ASIC2: variants seen among roughly 807,000 people sequenced by gnomAD.
ASIC2 encodes the protein acid sensing ion channel subunit 2.
ASIC2 carries 25 observed loss-of-function variants against 57.3 expected under a neutral mutation model. That is an observed-to-expected ratio of 0.44 (90% CI 0.32 to 0.61). The LOEUF (loss-of-function observed/expected upper bound fraction) is 0.61. Among genes scored for constraint, ASIC2 ranks in the 20% least tolerant of loss-of-function variants. The pLI is 0.06. For synonymous variants in ASIC2, 319 were observed against 307.5 expected (o/e 1.04, Z -0.39); for missense variants, 641 against 738.1 (o/e 0.87, Z 1.52).
chr17:33,358,292 C>T (rs113881676), intron 1 of ASIC2, among the ~76,000 whole-genome samples: 2,164 of 152,276 alleles, frequency 0.014, 56 homozygotes, highest in African/African-American at 0.047. Flanking sequence ...ATATGGTCTG[C>T]GGAGTCTAAA....
intron 1 of ASIC2, among the ~76,000 whole-genome samples, chr17:33,698,779 G>T (rs753906624): frequency 1.3e-5 from 2 of 152,108 alleles, no homozygotes; most frequent in Non-Finnish European, 2.9e-5. Context: ...GTATGGTGAG[G>T]CTGAATGGGG....
intron 1 of ASIC2, among the ~76,000 whole-genome samples, chr17:33,599,017 G>T (rs750598880): frequency 2.0e-5 from 3 of 152,226 alleles, no homozygotes; most frequent in African/African-American, 2.4e-5. Context: ...GGCTGCGCCT[G>T]TATGCACACA....
intron 3 of ASIC2, among the ~76,000 whole-genome samples, chr17:33,057,801 A>C (rs2141935602): frequency 6.6e-6 from 1 of 152,350 alleles, no homozygotes; most frequent in East Asian, 1.9e-4. Flanking sequence ...AAGTCAGCCC[A>C]GTCACATAGA....
At chr17:33,375,624 G>T (rs1909248871) in intron 1 of ASIC2, among the ~76,000 whole-genome samples, 1 of 152,178 alleles carries the variant, frequency 6.6e-6, no homozygotes. Context: ...GGACTGCAAG[G>T]GAAGAAGCAG....
chr17:33,857,938 C>A (rs1220343873), intron 1 of ASIC2, among the ~76,000 whole-genome samples: 1 of 152,262 alleles, frequency 6.6e-6, no homozygotes, highest in African/African-American at 2.4e-5. Flanking sequence ...CGCCTGTTCA[C>A]AGTCAGCATC....
At chr17:33,788,906 G>T (rs1848701698) in intron 1 of ASIC2, among the ~76,000 whole-genome samples, 4 of 152,122 alleles carry the variant, frequency 2.6e-5, no homozygotes, top group Admixed American at 2.6e-4. Flanking sequence ...TGTTGGGGGG[G>T]TTGGGAATTG....
chr17:33,109,481 C>T (rs1232957434), intron 2 of ASIC2, among the ~76,000 whole-genome samples: 1 of 152,200 alleles, frequency 6.6e-6, no homozygotes, highest in East Asian at 1.9e-4. Context: ...ACTCCCCAGT[C>T]TCAAAGGAAA....
At chr17:33,562,404 T>C (rs530462663) in intron 1 of ASIC2, among the ~76,000 whole-genome samples, 2 of 152,290 alleles carry the variant, frequency 1.3e-5, no homozygotes, top group East Asian at 3.9e-4. Flanking sequence ...CTCAGAGATT[T>C]CTTATGTGCT....
chr17:33,806,298 A>C lies in ASIC2; in HGVS notation c.555+349680T>G, dbSNP rs1912266786. Among the ~76,000 whole-genome samples the C allele has an allele frequency of 1.3e-5, 2 of 152,256 alleles. 1 individual carries two copies. The highest frequency in any genetic ancestry group is 4.1e-4 in the South Asian group (2 of 4,836). On this transcript the variant is annotated intron_variant, in intron 1 of 9. Coordinates refer to the ASIC2 transcript ENST00000359872. ...ATAAATGTGGCTCTGTTCCAAGAAA[A>C]GTTTATGAATACTTAAATTTGAATT...
intron 1 of ASIC2, among the ~76,000 whole-genome samples, chr17:33,704,867 G>A (rs1216607365): frequency 1.3e-5 from 2 of 152,180 alleles, no homozygotes; most frequent in Non-Finnish European, 1.5e-5. Flanking sequence ...TAACAGGTAC[G>A]AAGTAGATAT....
intron 1 of ASIC2, among the ~76,000 whole-genome samples, chr17:33,172,142 A>G (rs180673379): frequency 7.9e-5 from 12 of 152,358 alleles, no homozygotes; most frequent in South Asian, 2.1e-4. Flanking sequence ...GCCCCCTGAT[A>G]GTATAGTACT....
In ASIC2 at chr17:33,903,500, A is replaced by G. The variant is rs550315934; in HGVS notation, c.555+252478T>C. Reference sequence around the variant, plus strand: ...ATGCTTTCTTTAGAGTTCAGAATACATATTTGCATATTAAAGGCTCTGACA... The same window carrying G: ...ATGCTTTCTTTAGAGTTCAGAATACGTATTTGCATATTAAAGGCTCTGACA... On this transcript the variant is annotated intron_variant, in intron 1 of 9. Coordinates refer to the ASIC2 transcript ENST00000359872. 3.9e-5 allele frequency among the ~76,000 whole-genome samples: 6 copies of G among 152,364 alleles called. No homozygotes were observed. In the South Asian group the frequency reaches 6.2e-4, roughly 16 times the overall value.
At chr17:33,650,858 A>G (rs1261823321) in intron 1 of ASIC2, among the ~76,000 whole-genome samples, 3 of 152,200 alleles carry the variant, frequency 2.0e-5, no homozygotes, top group Non-Finnish European at 4.4e-5. Flanking sequence ...GGCTGTGGCT[A>G]TAAAAGGGTA....
At chr17:34,129,354 GC>G (rs1911886101) in intron 1 of ASIC2, among the ~76,000 whole-genome samples, 1 of 152,116 alleles carries the variant, frequency 6.6e-6, no homozygotes, top group South Asian at 2.1e-4. Flanking sequence ...AGCATAACAA[GC>G]CTTGGAATAC....
intron 1 of ASIC2, among the ~76,000 whole-genome samples, chr17:33,522,656 T>C (rs1042918167): frequency 2.6e-5 from 4 of 152,234 alleles, no homozygotes; most frequent in African/African-American, 9.6e-5. Flanking sequence ...GTTTCTTTCA[T>C]TGAGATTTTC....
At chr17:33,245,191 T>C (rs1316760342) in intron 1 of ASIC2, among the ~76,000 whole-genome samples, 1 of 152,180 alleles carries the variant, frequency 6.6e-6, no homozygotes, top group Non-Finnish European at 1.5e-5. Context: ...AAACACATTT[T>C]CACAGGGACA....
rs537183973 is a variant in ASIC2 at position 34,125,975 on chromosome 17, T to C, written c.555+30003A>G. 6.6e-5 allele frequency among the ~76,000 whole-genome samples: 10 copies of C among 152,342 alleles called. No individual in the cohort carries two copies. The East Asian group carries it at 1.9e-3, about 29-fold the overall frequency. On this transcript the variant is annotated intron_variant, in intron 1 of 9. Transcript: ENST00000359872. ...CTTGGTCACACGGCTATCCCACATG[T>C]CACAGCCTCCACTGGAGCGGAGTGG...
At chr17:33,216,757 G>C (rs1323052494) in intron 1 of ASIC2, among the ~76,000 whole-genome samples, 1 of 152,232 alleles carries the variant, frequency 6.6e-6, no homozygotes, top group Non-Finnish European at 1.5e-5. Flanking sequence ...CCCCAAGAGG[G>C]TTTTAAAGAG....
At chr17:33,484,294 A>T (rs780072662) in intron 1 of ASIC2, among the ~76,000 whole-genome samples, 14 of 152,258 alleles carry the variant, frequency 9.2e-5, no homozygotes, top group Non-Finnish European at 1.6e-4. Flanking sequence ...AATTCAAGGC[A>T]TATAGGGAAG....
Sources: gnomAD v4.1 joint callset for allele counts (sites outside exome capture counted in the v4.1 genomes callset) on GRCh38, gnomAD v4.1.1 for gene constraint, MANE v1.5 for transcripts, NCBI Gene and HGNC (gene_info 2026-07-23, HGNC 2026-07-21) for gene names.